The following DIPK1A variants were observed in gnomAD, a reference collection of about 807,000 sequenced individuals.
DIPK1A encodes family with sequence similarity 69 member A.
In DIPK1A, 27 loss-of-function variants were observed where a neutral mutation model predicts 40.8. The ratio of observed to expected loss-of-function variants is 0.66; its 90% CI spans 0.49 to 0.91. The LOEUF (loss-of-function observed/expected upper bound fraction) is 0.91, where lower values mean the gene tolerates loss of function less well. Ranked by LOEUF, DIPK1A falls within the 40% of genes least tolerant of loss-of-function variation. The pLI, the probability that DIPK1A is intolerant of heterozygous loss-of-function variation, is 0.00. For synonymous variants in DIPK1A, 166 were observed against 171.3 expected (o/e 0.97, Z 0.24); for missense variants, 412 against 505.7 (o/e 0.81, Z 1.78).
intron 1 of DIPK1A, among the ~76,000 whole-genome samples, chr1:92,880,897 A>G (rs750975334): frequency 7.3e-6 from 1 of 136,782 alleles, no homozygotes; most frequent in Non-Finnish European, 1.6e-5. Flanking sequence ...AAACAAACAA[A>G]AAAACTACTT....
chr1:92,842,004 G>T, downstream of DIPK1A: 2 of 817,946 alleles, frequency 2.4e-6, no homozygotes, highest in South Asian at 2.3e-5. Flanking sequence ...GAGTTGACAG[G>T]TTTTTTTCTC....
At chr1:92,959,089 T>C (rs1450242600) in intron 1 of DIPK1A, among the ~76,000 whole-genome samples, 1 of 152,078 alleles carries the variant, frequency 6.6e-6, no homozygotes, top group Non-Finnish European at 1.5e-5. Context: ...AGTTTGAGAC[T>C]AGCCTGGGCA....
downstream of DIPK1A, chr1:92,837,221 T>C: frequency 1.4e-6 from 1 of 693,328 alleles, no homozygotes; most frequent in South Asian, 1.4e-5. Context: ...GTGGAAAGCC[T>C]TGGTAATGGC....
rs191311191 is a variant in DIPK1A, at chr1:92,851,341, C to T, written c.190-386G>A. Among the ~76,000 whole-genome samples the T allele has an allele frequency of 3.6e-4, 54 of 151,778 alleles. 1 individual carries two copies. The East Asian group carries it at 9.3e-3, about 26-fold the overall frequency. ...GGTGGATCATTTGAGGTCAGGAGTTCGAGACCAGCCTGGCTAACATGGTGA... is the reference window on the plus strand; with the variant it reads ...GGTGGATCATTTGAGGTCAGGAGTTTGAGACCAGCCTGGCTAACATGGTGA... On this transcript the variant is annotated intron_variant, in intron 2 of 4. Coordinates refer to ENST00000370310, the MANE Select transcript of DIPK1A (RefSeq NM_001006605.5).
intron 1 of DIPK1A, among the ~76,000 whole-genome samples, chr1:92,896,715 G>A (rs955369919): frequency 1.3e-5 from 2 of 151,964 alleles, no homozygotes; most frequent in African/African-American, 4.8e-5. Context: ...GAGTGAACAG[G>A]CAACCTACAG....
rs1469977398 is a variant in DIPK1A at position 92,846,819 on chromosome 1, A to ATG, written c.474+363_474+364insCA. 3.5e-3 allele frequency among the ~76,000 whole-genome samples: 14 copies of ATG among 3,958 alleles called. 2 individuals are homozygous for ATG. Among genetic ancestry groups the ATG allele is most frequent in the Admixed American group, 5.3e-3 (1 of 190 alleles). The allele number at this position is 3,958 out of a possible 152,430, so 2.6% of individuals were successfully genotyped here. ...TATATATATATATATATATATATAT[A>ATG]TATATATATATATATATATATATGT... On this transcript the variant is annotated intron_variant, in intron 4 of 4. Coordinates refer to ENST00000370310, the MANE Select transcript of DIPK1A (RefSeq NM_001006605.5).
intron 4 of DIPK1A, among the ~76,000 whole-genome samples, chr1:92,835,480 C>T (rs1201697489): frequency 6.6e-6 from 1 of 150,502 alleles, no homozygotes; most frequent in African/African-American, 2.5e-5. Context: ...TGGTGAAGCC[C>T]TGTCTCTACT....
At chr1:92,861,655 T>C (rs546258315) in intron 2 of DIPK1A, among the ~76,000 whole-genome samples, 2 of 152,246 alleles carry the variant, frequency 1.3e-5, no homozygotes, top group South Asian at 4.2e-4. Flanking sequence ...AACAATGATC[T>C]CTGACTTGCA....
rs182843405 is a variant in DIPK1A at position 92,928,363 on chromosome 1, C to T, written c.54+33013G>A. Among the ~76,000 whole-genome samples the T allele has an allele frequency of 1.6e-3, 251 of 152,224 alleles. 4 individuals are homozygous for T. The highest frequency in any genetic ancestry group is 3.0e-3 in the Non-Finnish European group (202 of 67,998). ...AATCCTTTGTGCTACTGTTATAAAC[C>T]CTACAATACAGTGCTTTAATTTTTC... is the stretch of plus-strand genomic sequence containing the variant. On this transcript the variant is annotated intron_variant, in intron 1 of 4. Coordinates refer to ENST00000370310, the MANE Select transcript of DIPK1A (RefSeq NM_001006605.5).
chr1:92,927,829 T>C (rs1650582523), intron 1 of DIPK1A, among the ~76,000 whole-genome samples: 1 of 152,264 alleles, frequency 6.6e-6, no homozygotes, highest in South Asian at 2.1e-4. Context: ...ACTGTATGGA[T>C]ATACCACATT....
At chr1:92,847,727 T>C (rs1687686599) in intron 3 of DIPK1A, among the ~76,000 whole-genome samples, 1 of 152,210 alleles carries the variant, frequency 6.6e-6, no homozygotes. Flanking sequence ...GTGTTAACTA[T>C]GTCCTATGGT....
Position 92,948,766 on chromosome 1 carries a change from T to G in DIPK1A, c.54+12610A>C, listed in dbSNP as rs141928131. ...ATATATACATATATATGTATATATATGTGTGTGTGTGTATATATATATATG... is the reference window on the plus strand; with the variant it reads ...ATATATACATATATATGTATATATAGGTGTGTGTGTGTATATATATATATG... On this transcript the variant is annotated intron_variant, in intron 1 of 4. Transcript: ENST00000370310. Among the ~76,000 whole-genome samples, 626 of 141,988 alleles carry G rather than the reference T, an allele frequency of 4.4e-3. 5 individuals carry two copies. Among genetic ancestry groups the G allele is most frequent in the African/African-American group, 0.016 (595 of 37,880 alleles). The allele number at this position is 141,988 out of a possible 152,430, so 93.1% of individuals were successfully genotyped here. A position where few individuals can be genotyped will look rare whatever the true frequency, so the allele number is the denominator to read the frequency against.
chr1:92,916,860 G>A (rs889841524), intron 1 of DIPK1A, among the ~76,000 whole-genome samples: 4 of 152,102 alleles, frequency 2.6e-5, no homozygotes, highest in Admixed American at 6.5e-5. Flanking sequence ...TCAGAATAAC[G>A]ATAATCTAAA....
chr1:92,848,359 T>C (rs1300112127), intron 3 of DIPK1A, among the ~76,000 whole-genome samples: 13 of 152,356 alleles, frequency 8.5e-5, no homozygotes, highest in Non-Finnish European at 1.5e-5. Context: ...GCCTCGCCTA[T>C]GTCTCCAACC....
rs779260777 is a variant in DIPK1A, at chr1:92,843,950, G to T, written c.720C>A (p.Ser240Arg). ...SVEYTSLYGISLPWVIELFIP... is the reference protein window; with the variant it reads ...SVEYTSLYGIRLPWVIELFIP... ...TAAAAAGTTCAATGACCCAAGGAAG[G>T]CTTATTCCATAAAGAGAGGTATATT... Residue 240 changes from serine to arginine, a missense_variant, in exon 5 of 5, where the codon AGC (serine) becomes AGA (arginine). Physicochemically the swap from Ser to Arg is moderately radical, Grantham distance 110 (BLOSUM62 -1). Transcript: ENST00000370310. 1.9e-6 allele frequency: 3 copies of T among 1,551,750 alleles called. No homozygotes were observed. The highest frequency in any genetic ancestry group is 2.7e-5 in the African/African-American group (2 of 73,044).
At chr1:92,874,370 T>A (rs1349924810) in intron 2 of DIPK1A, among the ~76,000 whole-genome samples, 1 of 152,190 alleles carries the variant, frequency 6.6e-6, no homozygotes, top group African/African-American at 2.4e-5. Context: ...GGGAGGGCTG[T>A]GGTGGGGATA....
chr1:92,894,876 C>T (rs926314123), intron 1 of DIPK1A, among the ~76,000 whole-genome samples: 2 of 152,090 alleles, frequency 1.3e-5, no homozygotes, highest in Non-Finnish European at 1.5e-5. Flanking sequence ...CTACAAACAC[C>T]TCTACGCAAA....
At chr1:92,836,049 G>A in intron 4 of DIPK1A, 1 of 731,810 alleles carries the variant, frequency 1.4e-6, no homozygotes. Context: ...TCATGAGCAA[G>A]TGGATCTGGT....
At chr1:92,931,572 A>C (rs2100872791) in intron 1 of DIPK1A, 1 of 157,560 alleles carries the variant, frequency 6.3e-6, no homozygotes, top group African/African-American at 2.4e-5. Flanking sequence ...TTGAAAAAAA[A>C]AAAAAAAAAG....
Sources: allele counts gnomAD v4.1 joint callset (sites outside exome capture counted in the v4.1 genomes callset), GRCh38; gene constraint gnomAD v4.1.1; transcripts MANE v1.5; gene names NCBI Gene and HGNC (gene_info 2026-07-23, HGNC 2026-07-21).